Variants in STXBP6 observed in about 807,000 individuals in gnomAD.
STXBP6 encodes syntaxin-binding protein 6.
In STXBP6, 21 loss-of-function variants were observed where a neutral mutation model predicts 26.9. That is an observed-to-expected ratio of 0.78 (90% CI 0.55 to 1.12). The LOEUF is 1.12. Among genes scored for constraint, STXBP6 ranks in the 50% most tolerant of loss-of-function variants. The probability of loss-of-function intolerance (pLI) is 0.00; values close to 1 mark genes in which losing one functional copy is unlikely to be tolerated. For synonymous variants in STXBP6, 97 were observed against 92.6 expected, an observed-to-expected ratio of 1.05 and a Z score of -0.27; for missense variants, 232 against 257.9, an observed-to-expected ratio of 0.90 and a Z score of 0.69.
At chr14:24,840,681 C>T (rs1224304715) in intron 4 of STXBP6, among the ~76,000 whole-genome samples, 1 of 152,220 alleles carries the variant, frequency 6.6e-6, no homozygotes, top group Non-Finnish European at 1.5e-5. Flanking sequence ...CTCTTCCCCA[C>T]ATACAGGAGT....
intron 2 of STXBP6, among the ~76,000 whole-genome samples, chr14:24,934,783 T>C (rs987748780): frequency 2.6e-4 from 39 of 152,138 alleles, no homozygotes; most frequent in African/African-American, 8.9e-4. Context: ...ATAATTTGTT[T>C]ATAAAATCAA....
At chr14:24,858,872 G>A (rs1363575683) in intron 2 of STXBP6, among the ~76,000 whole-genome samples, 1 of 152,128 alleles carries the variant, frequency 6.6e-6, no homozygotes, top group African/African-American at 2.4e-5. Context: ...ATGGGTTCCT[G>A]TATTAGACAC....
At chr14:25,002,359 C>CTTTT (rs747010332) in intron 1 of STXBP6, among the ~76,000 whole-genome samples, 11 of 121,366 alleles carry the variant, frequency 9.1e-5, no homozygotes, top group African/African-American at 3.4e-4. Flanking sequence ...ATTCTTATGA[C>CTTTT]TTTTTTTTTT....
chr14:25,011,659 T>C lies in STXBP6; in HGVS notation c.-32-36809A>G, dbSNP rs1006252913. Reference sequence around the variant, plus strand: ...GCCATTTTTAGAGATTTATATACTGTTCAGTGATAAAAATAAATGAGAGTC... The same window carrying C: ...GCCATTTTTAGAGATTTATATACTGCTCAGTGATAAAAATAAATGAGAGTC... On this transcript the variant is annotated intron_variant, in intron 1 of 5. Coordinates refer to ENST00000323944, the MANE Select transcript of STXBP6 (RefSeq NM_001394410.1). Among the ~76,000 whole-genome samples the C allele has an allele frequency of 9.8e-5, 15 of 152,292 alleles. 1 individual carries two copies. Among genetic ancestry groups the C allele is most frequent in the Admixed American group, 5.9e-4 (9 of 15,290 alleles).
chr14:25,043,379 A>T (rs1566582400), intron 1 of STXBP6, among the ~76,000 whole-genome samples: 1 of 151,728 alleles, frequency 6.6e-6, no homozygotes, highest in African/African-American at 2.4e-5. Flanking sequence ...TTGTCTCATC[A>T]TTTTTTTTTA....
chr14:24,894,461 A>G (rs1241601), intron 2 of STXBP6, among the ~76,000 whole-genome samples: 100,307 of 151,416 alleles, frequency 0.66, 33,297 homozygotes, highest in East Asian at 0.76. Context: ...GACAACCAGG[A>G]CAGCGTGGAC....
Position 24,976,852 on chromosome 14 carries a change from C to CTTTTTTTTTTTTTTTTTTTTTTT in STXBP6, c.-32-2025_-32-2003dup, listed in dbSNP as rs71121808. The stretch of plus-strand genomic sequence containing the variant: ...CAAAGTCCTGAGCTGACTGGGCGCT[C>CTTTTTTTTTTTTTTTTTTTTTTT]TTTTTTTTTTTTTTTTTTTTTTTTT... On this transcript the variant is annotated intron_variant, in intron 1 of 5. Transcript: ENST00000323944. Among the ~76,000 whole-genome samples the CTTTTTTTTTTTTTTTTTTTTTTT allele has an allele frequency of 2.9e-4, 13 of 45,276 alleles. 1 individual carries two copies. The highest frequency in any genetic ancestry group is 1.0e-3 in the African/African-American group (9 of 8,900). 29.7% of individuals were successfully genotyped at this position (45,276 alleles called of 152,430 possible). A position where few individuals can be genotyped will look rare whatever the true frequency, so the allele number is the denominator to read the frequency against.
intron 1 of STXBP6, among the ~76,000 whole-genome samples, chr14:25,005,865 C>T (rs563317497): frequency 1.3e-5 from 2 of 150,910 alleles, no homozygotes; most frequent in African/African-American, 2.4e-5. Context: ...ATGTATATTA[C>T]AGGGAAAGAT....
chr14:24,921,280 C>T (rs1421859977), intron 2 of STXBP6, among the ~76,000 whole-genome samples: 1 of 152,130 alleles, frequency 6.6e-6, no homozygotes, highest in Admixed American at 6.6e-5. Flanking sequence ...TCAACACAAA[C>T]CTGGTATAAG....
At chr14:24,820,029 C>T (rs1165173430) in intron 4 of STXBP6, among the ~76,000 whole-genome samples, 3 of 152,130 alleles carry the variant, frequency 2.0e-5, no homozygotes, top group Non-Finnish European at 4.4e-5. Flanking sequence ...TCCCATTTGC[C>T]GGGACTGGGC....
At chr14:24,952,746 G>GA (rs1334921217) in intron 2 of STXBP6, among the ~76,000 whole-genome samples, 1 of 152,032 alleles carries the variant, frequency 6.6e-6, no homozygotes, top group Non-Finnish European at 1.5e-5. Flanking sequence ...CAGCATTAGG[G>GA]AAAAAAGGTA....
chr14:24,924,268 C>T (rs979228190), intron 2 of STXBP6, among the ~76,000 whole-genome samples: 3 of 152,104 alleles, frequency 2.0e-5, no homozygotes, highest in Non-Finnish European at 4.4e-5. Flanking sequence ...CACATTTTGT[C>T]TTTTCACTTT....
intron 2 of STXBP6, among the ~76,000 whole-genome samples, chr14:24,959,262 T>C (rs895668010): frequency 6.6e-6 from 1 of 152,150 alleles, no homozygotes; most frequent in Non-Finnish European, 1.5e-5. Context: ...TTAATAGTCT[T>C]GGTAAGGGAA....
intron 1 of STXBP6, among the ~76,000 whole-genome samples, chr14:25,029,403 G>T (rs1288380787): frequency 1.3e-5 from 2 of 152,060 alleles, no homozygotes; most frequent in Non-Finnish European, 2.9e-5. Context: ...ATGATCATTG[G>T]CATTTTTTAG....
chr14:25,021,642 C>T (rs2075265212), intron 1 of STXBP6, among the ~76,000 whole-genome samples: 1 of 152,142 alleles, frequency 6.6e-6, no homozygotes, highest in Admixed American at 6.6e-5. Context: ...CCAATTTCTC[C>T]CTGAAAACTC....
rs61976856 is a variant in STXBP6, at chr14:24,892,213, T to A, written c.155-35056A>T. On this transcript the variant is annotated intron_variant, in intron 2 of 5. Transcript: ENST00000323944. ...TAATGTATACATTATTTTTTTTTTTTAAAAAGGAAAGAGGTCAGTAGAGAG... is the reference window on the plus strand; with the variant it reads ...TAATGTATACATTATTTTTTTTTTTAAAAAAGGAAAGAGGTCAGTAGAGAG... Among the ~76,000 whole-genome samples the A allele has an allele frequency of 6.1e-3, 853 of 138,888 alleles. 4 individuals carry two copies. The highest frequency in any genetic ancestry group is 0.016 in the South Asian group (70 of 4,478). The allele number at this position is 138,888 out of a possible 152,430, so 91.1% of individuals were successfully genotyped here.
chr14:24,970,620 A>G (rs2073880007), intron 2 of STXBP6, among the ~76,000 whole-genome samples: 1 of 152,138 alleles, frequency 6.6e-6, no homozygotes, highest in Non-Finnish European at 1.5e-5. Flanking sequence ...TTGTTTATGC[A>G]TTTAATATGT....
At chr14:24,817,841 A>G in intron 5 of STXBP6, 1 of 331,662 alleles carries the variant, frequency 3.0e-6, no homozygotes, top group Non-Finnish European at 5.9e-6. Flanking sequence ...AATGGGCCCC[A>G]CGGGCAACAG....
intron 4 of STXBP6, among the ~76,000 whole-genome samples, chr14:24,821,753 G>A (rs1051752470): frequency 6.6e-6 from 1 of 151,982 alleles, no homozygotes; most frequent in Non-Finnish European, 1.5e-5. Flanking sequence ...GTACAATCAC[G>A]GGCAACTCTT....
Sources: allele counts gnomAD v4.1 joint callset (sites outside exome capture counted in the v4.1 genomes callset), GRCh38; gene constraint gnomAD v4.1.1; transcripts MANE v1.5; gene names NCBI Gene and HGNC (gene_info 2026-07-23, HGNC 2026-07-21).